The following BRINP1 variants were observed in gnomAD, a reference collection of about 807,000 sequenced individuals.
BRINP1 encodes the protein BMP/retinoic acid inducible neural specific 1.
Under a neutral mutation model 72.9 loss-of-function variants are expected in BRINP1, and 17 were observed. The ratio of observed to expected loss-of-function variants is 0.23; its 90% CI spans 0.16 to 0.35. BRINP1 has a LOEUF of 0.35. Among genes scored for constraint, BRINP1 ranks in the 10% least tolerant of loss-of-function variants. The probability of loss-of-function intolerance (pLI) is 1.00; values close to 1 mark genes in which losing one functional copy is unlikely to be tolerated. For missense variants in BRINP1, 850 were observed against 1,001.6 expected (o/e 0.85, Z 2.04); for synonymous variants, 418 against 378.5 (o/e 1.10, Z -1.21).
At chr9:119,352,364 C>T (rs1831515480) in intron 1 of BRINP1, among the ~76,000 whole-genome samples, 1 of 152,148 alleles carries the variant, frequency 6.6e-6, no homozygotes, top group Middle Eastern at 3.2e-3. Flanking sequence ...GGCCAGATAA[C>T]CACAAAATGC....
chr9:119,198,382 C>G lies in BRINP1; in HGVS notation c.1145+10337G>C, dbSNP rs118053774. On this transcript the variant is annotated intron_variant, in intron 7 of 7. Transcript: ENST00000265922. ...TTCCAAGGCTGGCTACTATTTTTCT[C>G]TCCATCACGCCATGCAGAAAATTGA... 7.2e-5 allele frequency among the ~76,000 whole-genome samples: 11 copies of G among 152,296 alleles called. No individual in the cohort carries two copies. In the South Asian group the frequency reaches 1.0e-3, roughly 14 times the overall value.
chr9:119,313,469 G>T, intron 1 of BRINP1, 64 bp from the exon 2 acceptor site: 1 of 1,395,870 alleles, frequency 7.2e-7, no homozygotes, highest in Non-Finnish European at 9.5e-7. Context: ...AGAGGAGAGG[G>T]GAAGAGGAGT....
At chr9:119,279,494 T>C (rs1005891332) in intron 2 of BRINP1, among the ~76,000 whole-genome samples, 1 of 152,256 alleles carries the variant, frequency 6.6e-6, no homozygotes, top group Non-Finnish European at 1.5e-5. Flanking sequence ...GTATCTTATT[T>C]ACCTCTGTAT....
intron 7 of BRINP1, 100 bp from the exon 8 acceptor site, chr9:119,168,324 T>G: frequency 1.1e-6 from 1 of 930,136 alleles, no homozygotes; most frequent in Non-Finnish European, 1.5e-6. Context: ...GCCAAAAAGA[T>G]GAAAGGACTG....
At position 119,312,994 on chromosome 9, in the gene BRINP1, A is replaced by C. The variant is rs1831084183; in HGVS notation, c.218+144T>G. ...TTAATCTCTTGTGCAAAGAAAAAAA[A>C]AATTAATCAAAAACAGCTTGTGGAA... On this transcript the variant is annotated intron_variant, in intron 2 of 7. Transcript: ENST00000265922. 6 of 903,820 alleles carry C rather than the reference A, an allele frequency of 6.6e-6. No homozygotes were observed. The South Asian group carries it at 1.2e-4, about 18-fold the overall frequency. The allele number at this position is 903,820 out of a possible 1,614,324, so 56.0% of individuals were successfully genotyped here.
intron 1 of BRINP1, among the ~76,000 whole-genome samples, chr9:119,321,548 C>T (rs539546584): frequency 6.6e-6 from 1 of 151,940 alleles, no homozygotes; most frequent in Non-Finnish European, 1.5e-5. Context: ...GCTGGAGTGC[C>T]GTGGCACAAA....
At chr9:119,220,418 A>C (rs1830028230) in intron 5 of BRINP1, among the ~76,000 whole-genome samples, 1 of 152,172 alleles carries the variant, frequency 6.6e-6, no homozygotes, top group Non-Finnish European at 1.5e-5. Context: ...ACAGAAGCTG[A>C]AGGTGAACCT....
rs576170178 is a variant in BRINP1, at chr9:119,335,429, G to A, written c.-50-22024C>T. On this transcript the variant is annotated intron_variant, in intron 1 of 7. Coordinates refer to ENST00000265922, the MANE Select transcript of BRINP1 (RefSeq NM_014618.3). ...CAGGCATTCTATGACACACTCTATC[G>A]GTGACTCACTCAACAGGTACCTACT... is the stretch of plus-strand genomic sequence containing the variant. 3.7e-4 allele frequency among the ~76,000 whole-genome samples: 57 copies of A among 152,188 alleles called. 1 individual carries two copies. Among genetic ancestry groups the A allele is most frequent in the Non-Finnish European group, 6.9e-4 (47 of 68,008 alleles).
intron 5 of BRINP1, among the ~76,000 whole-genome samples, chr9:119,236,290 C>T (rs915884404): frequency 6.6e-6 from 1 of 152,152 alleles, no homozygotes; most frequent in African/African-American, 2.4e-5. Flanking sequence ...TGCTACCACC[C>T]TTTCCATTCA....
Position 119,241,798 on chromosome 9 carries a change from T to C in BRINP1, c.579+249A>G, listed in dbSNP as rs145111471. Among the ~76,000 whole-genome samples the C allele has an allele frequency of 3.8e-3, 580 of 152,270 alleles. 6 individuals carry two copies. The highest frequency in any genetic ancestry group is 0.013 in the African/African-American group (541 of 41,542). ...ACAGAAGACTGAATGAGAGAACTGT[T>C]GATAGTTATGCCATGACTACAGCCA... On this transcript the variant is annotated intron_variant, in intron 4 of 7. Transcript: ENST00000265922.
intron 4 of BRINP1, among the ~76,000 whole-genome samples, chr9:119,241,497 T>C (rs1830248744): frequency 6.6e-6 from 1 of 152,178 alleles, no homozygotes; most frequent in African/African-American, 2.4e-5. Flanking sequence ...ACAGAAAACT[T>C]TTGCTGACTG....
chr9:119,232,850 T>C (rs1420029671), intron 5 of BRINP1, among the ~76,000 whole-genome samples: 3 of 151,900 alleles, frequency 2.0e-5, no homozygotes, highest in African/African-American at 7.3e-5. Context: ...ACAATGTTGG[T>C]AAAACATTCA....
chr9:119,232,119 AC>A (rs1486513917), intron 5 of BRINP1, among the ~76,000 whole-genome samples: 5 of 152,292 alleles, frequency 3.3e-5, no homozygotes, highest in Non-Finnish European at 5.9e-5. Context: ...TGACAATTCT[AC>A]CATTGTAGTT....
intron 7 of BRINP1, among the ~76,000 whole-genome samples, chr9:119,169,600 C>G (rs1006096282): frequency 6.6e-6 from 1 of 152,216 alleles, no homozygotes; most frequent in Non-Finnish European, 1.5e-5. Flanking sequence ...ACAAAGCAGC[C>G]GGGAAGCTCG....
At chr9:119,250,707 G>C (rs1830378598) in intron 2 of BRINP1, among the ~76,000 whole-genome samples, 1 of 152,166 alleles carries the variant, frequency 6.6e-6, no homozygotes, top group African/African-American at 2.4e-5. Flanking sequence ...TAGAGGGACT[G>C]AGTGAAGGTT....
At chr9:119,321,228 G>A (rs923154086) in intron 1 of BRINP1, among the ~76,000 whole-genome samples, 1 of 152,152 alleles carries the variant, frequency 6.6e-6, no homozygotes, top group Non-Finnish European at 1.5e-5. Flanking sequence ...ACCGCACCCG[G>A]CCATTGGTCC....
intron 7 of BRINP1, among the ~76,000 whole-genome samples, chr9:119,173,856 A>G (rs1261522878): frequency 7.2e-6 from 1 of 139,720 alleles, no homozygotes; most frequent in Admixed American, 6.9e-5. Context: ...CAACTATCTG[A>G]TCTTTGACAA....
chr9:119,360,597 C>T (rs962262320), intron 1 of BRINP1, among the ~76,000 whole-genome samples: 5 of 152,180 alleles, frequency 3.3e-5, no homozygotes, highest in Non-Finnish European at 7.3e-5. Context: ...AGAATGGAGA[C>T]TTGAGAATTC....
intron 1 of BRINP1, among the ~76,000 whole-genome samples, chr9:119,346,968 T>C (rs1170640490): frequency 1.3e-5 from 2 of 152,146 alleles, no homozygotes; most frequent in Non-Finnish European, 1.5e-5. Flanking sequence ...GGTTGTTAAC[T>C]AGCAAGAGCC....
Sources: allele counts gnomAD v4.1 joint callset (sites outside exome capture counted in the v4.1 genomes callset), GRCh38; gene constraint gnomAD v4.1.1; transcripts MANE v1.5; gene names NCBI Gene and HGNC (gene_info 2026-07-23, HGNC 2026-07-21).